Variants in LTA4H observed in about 807,000 individuals in gnomAD.
LTA4H encodes leukotriene A-4 hydrolase.
Under a neutral mutation model 89.8 loss-of-function variants are expected in LTA4H, and 59 were observed. The ratio of observed to expected loss-of-function variants is 0.66; its 90% CI spans 0.53 to 0.82. The LOEUF is 0.82. Ranked by LOEUF, LTA4H falls within the 40% of genes least tolerant of loss-of-function variation. The pLI is 0.00. For synonymous variants in LTA4H, 227 were observed against 253.1 expected (o/e 0.90, Z 0.98); for missense variants, 617 against 727.0 (o/e 0.85, Z 1.74).
At chr12:96,005,802 A>T (rs1950188803) in intron 16 of LTA4H, among the ~76,000 whole-genome samples, 1 of 152,116 alleles carries the variant, frequency 6.6e-6, no homozygotes, top group African/African-American at 2.4e-5. Flanking sequence ...AGGCTGGAGT[A>T]CAGGGGTGTG....
chr12:96,020,052 C>A (rs1950435496), intron 6 of LTA4H, among the ~76,000 whole-genome samples: 1 of 151,906 alleles, frequency 6.6e-6, no homozygotes. Flanking sequence ...TACAGGCATA[C>A]ACTACCATGC....
intron 11 of LTA4H, 69 bp from the exon 12 acceptor site, chr12:96,015,068 A>C (rs1006200323): frequency 1.4e-6 from 2 of 1,436,976 alleles, no homozygotes; most frequent in African/African-American, 2.8e-5. Flanking sequence ...TAAGCTAATA[A>C]GGAGGTATTA....
intron 16 of LTA4H, among the ~76,000 whole-genome samples, chr12:96,005,211 C>T (rs140148935): frequency 2.6e-5 from 4 of 152,140 alleles, no homozygotes; most frequent in African/African-American, 7.2e-5. Flanking sequence ...TACTGTCAAC[C>T]CCTATAGCCA....
rs774873791 is a variant in LTA4H, at chr12:96,029,123, A to G, written c.222T>C (p.Tyr74=). ...TGTAACTTTGTCTTTCTCCAAGAGC[A>G]TATTTGACTTCTTGTCCATTGATCA... is the stretch of plus-strand genomic sequence containing the variant. The part of the protein sequence containing the change: ...KVVINGQEVK[Y]ALGERQSYKG... Residue 74 remains tyrosine, a synonymous_variant, in exon 2 of 19, where the codon TAT becomes TAC. Coordinates refer to ENST00000228740, the MANE Select transcript of LTA4H (RefSeq NM_000895.3). 3.1e-6 allele frequency: 5 copies of G among 1,594,736 alleles called. No homozygotes were observed. In the East Asian group the frequency reaches 9.1e-5, roughly 29 times the overall value.
At chr12:96,039,904 G>T (rs1258204016), upstream of LTA4H, among the ~76,000 whole-genome samples, 1 of 152,164 alleles carries the variant, frequency 6.6e-6, no homozygotes, top group Non-Finnish European at 1.5e-5. Flanking sequence ...AATTGGGGAA[G>T]GTTCTGTCTT....
In LTA4H at chr12:96,014,903, T is replaced by A; in HGVS notation, c.1156A>T (p.Lys386Ter). Residue 386 changes from lysine to a stop codon, truncating the protein, a stop_gained, in exon 12 of 19, where the codon AAG becomes TAG. Transcript: ENST00000228740. LOFTEE classifies it high-confidence loss of function. The part of the protein sequence containing the change: ...DVAYSSVPYE[K>*]GFALLFYLEQ... ...AGGTAAAAAAGTAAAGCAAAGCCCT[T>A]CTCATAGGGAACTGAAGAATAAGCT... 6.2e-7 allele frequency: 1 copy of A among 1,613,746 alleles called. No individual in the cohort carries two copies. Among genetic ancestry groups the A allele is most frequent in the Non-Finnish European group, 8.5e-7 (1 of 1,179,822 alleles).
chr12:96,027,400 G>A (rs771889555), intron 3 of LTA4H, 44 bp downstream of exon 3: 2 of 1,546,046 alleles, frequency 1.3e-6, no homozygotes, highest in East Asian at 2.3e-5. Context: ...AACCATAGGT[G>A]CTGAAATTTT....
At position 96,022,240 on chromosome 12, in the gene LTA4H, AG is replaced by A. The variant is rs754440475; in HGVS notation, c.491del (p.Pro164LeufsTer8). 3.2e-5 allele frequency: 51 copies of A among 1,608,198 alleles called. No individual in the cohort carries two copies. Among genetic ancestry groups the A allele is most frequent in the Non-Finnish European group, 4.3e-5 (50 of 1,174,940 alleles). On this transcript the variant is annotated frameshift_variant, in exon 5 of 19. Coordinates refer to ENST00000228740, the MANE Select transcript of LTA4H (RefSeq NM_000895.3). LOFTEE classifies it high-confidence loss of function. This position sits in a 1 kb window ranked among gnomAD's most constrained non-coding sequence, Gnocchi z 4.0. ...KLTYTAEVSV[P>X]KELVALMSAI... ...CACTCATAAGTGCCACCAGTTCTTT[AG>A]GGACAGACACCTAATCAAGGAGAAA...
chr12:96,003,289 T>C (rs2136850940), intron 17 of LTA4H, among the ~76,000 whole-genome samples: 1 of 152,350 alleles, frequency 6.6e-6, no homozygotes, highest in African/African-American at 2.4e-5. Context: ...AAAAAGATCA[T>C]ATATTTTTAA....
rs983196682 is a variant in LTA4H, at chr12:96,042,140, G to A, written c.87+1149C>T. Reference sequence around the variant, plus strand: ...TGGGACCACAGGCACAAGCCACTACGCCGAGCTAATTTTTGTATTTTTAGT... The same window carrying A: ...TGGGACCACAGGCACAAGCCACTACACCGAGCTAATTTTTGTATTTTTAGT... On this transcript the variant is annotated intron_variant, in intron 1 of 17. Transcript: ENST00000413268. Among the ~76,000 whole-genome samples the A allele has an allele frequency of 3.3e-5, 5 of 151,734 alleles. No individual in the cohort carries two copies. In the East Asian group the frequency reaches 7.7e-4, roughly 24 times the overall value.
intron 14 of LTA4H, 94 bp from the exon 15 acceptor site, chr12:96,009,242 C>T: frequency 1.2e-6 from 1 of 807,000 alleles, no homozygotes; most frequent in South Asian, 1.6e-5. Context: ...TTCAAAGTCC[C>T]TTTTAAATAA....
chr12:96,037,309 A>C (rs1473030423), upstream of LTA4H, among the ~76,000 whole-genome samples: 1 of 152,178 alleles, frequency 6.6e-6, no homozygotes, highest in East Asian at 1.9e-4. Context: ...GGGTAAGCTC[A>C]ACCCAAGAAG....
At chr12:96,001,246 T>C (rs535853377) in intron 18 of LTA4H, 140 bp from the exon 19 acceptor site, 7 of 625,142 alleles carry the variant, frequency 1.1e-5, no homozygotes, top group African/African-American at 1.8e-5. Context: ...AGAACACAAG[T>C]CAATACCCAA....
chr12:96,037,692 C>CTTTTTTT (rs1205832896), upstream of LTA4H, among the ~76,000 whole-genome samples: 3 of 114,192 alleles, frequency 2.6e-5, no homozygotes, highest in African/African-American at 7.6e-5. Context: ...ATTGAGAAAG[C>CTTTTTTT]TTTTTTTTTT....
At chr12:96,038,340 A>G (rs1454471312), upstream of LTA4H, among the ~76,000 whole-genome samples, 1 of 152,222 alleles carries the variant, frequency 6.6e-6, no homozygotes, top group South Asian at 2.1e-4. Context: ...TACCTTACAC[A>G]TGCATAGGTC....
upstream of LTA4H, chr12:96,035,771 G>C (rs1257461628): frequency 1.4e-5 from 11 of 764,846 alleles, no homozygotes; most frequent in East Asian, 3.8e-4. Flanking sequence ...GATGTTGAGG[G>C]GGACCAAGCG....
At position 96,001,125 on chromosome 12, in the gene LTA4H, T is replaced by C. The variant is rs760858860; in HGVS notation, c.1719-19A>G. Reference sequence around the variant, plus strand: ...AAGATCCCTGCCAAAAAAGAAAAAATTGAAAAGAAAGAAAGGCGAGAAGGA... The same window carrying C: ...AAGATCCCTGCCAAAAAAGAAAAAACTGAAAAGAAAGAAAGGCGAGAAGGA... On this transcript the variant is annotated intron_variant, in intron 18 of 18. Transcript: ENST00000228740. 1 of 1,514,906 alleles carries C rather than the reference T, an allele frequency of 6.6e-7. No homozygotes were observed. The highest frequency in any genetic ancestry group is 9.1e-7 in the Non-Finnish European group (1 of 1,100,924). 93.8% of individuals were successfully genotyped at this position (1,514,906 alleles called of 1,614,324 possible).
chr12:96,014,768 T>C (rs974843633), intron 12 of LTA4H, 87 bp downstream of exon 12: 11 of 1,272,514 alleles, frequency 8.6e-6, no homozygotes, highest in Non-Finnish European at 1.2e-5. Flanking sequence ...AAGTATTAAA[T>C]GGAACAAAAC....
At chr12:96,041,986 CTTTTTTTTTTTT>C (rs145401712) in intron 1 of LTA4H, among the ~76,000 whole-genome samples, 1 of 110,070 alleles carries the variant, frequency 9.1e-6, no homozygotes, top group African/African-American at 3.6e-5. Flanking sequence ...GTTTTTTTTT[CTTTTTTTTTTTT>C]TTTTTGACAG....
Sources: allele counts gnomAD v4.1 joint callset (sites outside exome capture counted in the v4.1 genomes callset), GRCh38; gene constraint gnomAD v4.1.1; non-coding constraint Gnocchi (gnomAD v3.1); transcripts MANE v1.5; gene names NCBI Gene and HGNC (gene_info 2026-07-23, HGNC 2026-07-21).